The following CDK14 variants were observed in gnomAD, a reference collection of about 807,000 sequenced individuals.
The protein encoded by CDK14 is cyclin dependent kinase 14.
Under a neutral mutation model 60.7 loss-of-function variants are expected in CDK14, and 34 were observed. The ratio of observed to expected loss-of-function variants is 0.56; its 90% CI spans 0.43 to 0.75. The LOEUF (loss-of-function observed/expected upper bound fraction) is 0.75. CDK14 is among the 30% of genes least tolerant of loss of function. CDK14 has a pLI of 0.00. For missense variants in CDK14, 482 were observed against 564.1 expected, an observed-to-expected ratio of 0.85 and a Z score of 1.47; for synonymous variants, 197 against 203.7, an observed-to-expected ratio of 0.97 and a Z score of 0.28.
At position 90,758,061 on chromosome 7, in the gene CDK14, A is replaced by G. The variant is rs191512089; in HGVS notation, c.464+10286A>G. Among the ~76,000 whole-genome samples the G allele has an allele frequency of 2.9e-3, 444 of 152,374 alleles. 2 individuals are homozygous for G. The highest frequency in any genetic ancestry group is 6.2e-3 in the South Asian group (30 of 4,834). On this transcript the variant is annotated intron_variant, in intron 4 of 14. Coordinates refer to ENST00000380050, the MANE Select transcript of CDK14 (RefSeq NM_001287135.2). ...GAGAAGTTAACTGAGATTCCTATAC[A>G]GGTAGTCTGCTTTGTAGTGAGCTTG...
At chr7:91,188,380 A>G (rs1045213802) in intron 14 of CDK14, among the ~76,000 whole-genome samples, 16 of 152,180 alleles carry the variant, frequency 1.1e-4, no homozygotes, top group African/African-American at 3.6e-4. Context: ...TCTGGTGCTT[A>G]TCTCCTCCCA....
At chr7:91,028,265 C>T (rs1796658714) in intron 10 of CDK14, among the ~76,000 whole-genome samples, 1 of 151,882 alleles carries the variant, frequency 6.6e-6, no homozygotes, top group Non-Finnish European at 1.5e-5. Context: ...ACGACAGACA[C>T]ACACACACAA....
intron 14 of CDK14, among the ~76,000 whole-genome samples, chr7:91,141,165 C>A (rs890724176): frequency 6.6e-6 from 1 of 152,200 alleles, no homozygotes; most frequent in Non-Finnish European, 1.5e-5. Context: ...GCAAAGGAAG[C>A]AAGAAAGTGG....
At chr7:90,893,986 G>A (rs1210886098) in intron 6 of CDK14, among the ~76,000 whole-genome samples, 1 of 152,160 alleles carries the variant, frequency 6.6e-6, no homozygotes, top group Non-Finnish European at 1.5e-5. Flanking sequence ...AAGATTAAAT[G>A]CAACTCCTAG....
intron 10 of CDK14, among the ~76,000 whole-genome samples, chr7:91,023,369 A>C (rs1391786242): frequency 1.3e-5 from 2 of 152,166 alleles, no homozygotes; most frequent in Admixed American, 6.6e-5. Flanking sequence ...CTTCTATGAT[A>C]TGTTATCACT....
chr7:91,099,363 G>A (rs78462130), intron 12 of CDK14, among the ~76,000 whole-genome samples: 4,270 of 152,118 alleles, frequency 0.028, 199 homozygotes, highest in African/African-American at 0.095. Flanking sequence ...GAAGATTTGG[G>A]TTTAAACACC....
At chr7:90,664,981 A>G (rs1563036307) in intron 2 of CDK14, among the ~76,000 whole-genome samples, 1 of 152,120 alleles carries the variant, frequency 6.6e-6, no homozygotes, top group Non-Finnish European at 1.5e-5. Context: ...TGCTAATAGT[A>G]TTTAAAAAGC....
chr7:91,161,713 T>C (rs995921693), intron 14 of CDK14, among the ~76,000 whole-genome samples: 1 of 152,242 alleles, frequency 6.6e-6, no homozygotes, highest in African/African-American at 2.4e-5. Flanking sequence ...TGAATTCACA[T>C]ACACCTAAAA....
At chr7:91,029,131 C>T (rs907391083) in intron 10 of CDK14, among the ~76,000 whole-genome samples, 2 of 152,008 alleles carry the variant, frequency 1.3e-5, no homozygotes, top group East Asian at 3.9e-4. Context: ...CTTGAATTGA[C>T]TTTTGTATAT....
intron 14 of CDK14, among the ~76,000 whole-genome samples, chr7:91,202,741 G>A (rs948872432): frequency 3.3e-5 from 5 of 152,180 alleles, no homozygotes; most frequent in African/African-American, 7.2e-5. Flanking sequence ...TGGGCCATTC[G>A]GAGTCATCTC....
At chr7:91,028,733 G>T (rs1484027801) in intron 10 of CDK14, among the ~76,000 whole-genome samples, 1 of 152,018 alleles carries the variant, frequency 6.6e-6, no homozygotes, top group Non-Finnish European at 1.5e-5. Context: ...CTTCTTTTGA[G>T]AAATGTCTAT....
chr7:91,041,529 A>C (rs1270052107), intron 10 of CDK14, among the ~76,000 whole-genome samples: 3 of 152,238 alleles, frequency 2.0e-5, no homozygotes, highest in Non-Finnish European at 4.4e-5. Flanking sequence ...GATTTTAAAC[A>C]GCAGAATATA....
intron 6 of CDK14, among the ~76,000 whole-genome samples, chr7:90,897,125 ATTG>A (rs1792361862): frequency 6.6e-6 from 1 of 152,052 alleles, no homozygotes; most frequent in Non-Finnish European, 1.5e-5. Flanking sequence ...AATGTATCCT[ATTG>A]TTAGGTGTGC....
intron 10 of CDK14, among the ~76,000 whole-genome samples, chr7:90,987,023 G>A (rs1387106039): frequency 1.5e-5 from 1 of 68,486 alleles, no homozygotes; most frequent in Non-Finnish European, 3.3e-5. Context: ...ATATAACTGA[G>A]ATATATTATA....
At chr7:91,056,858 A>C (rs1480074698) in intron 11 of CDK14, among the ~76,000 whole-genome samples, 2 of 152,178 alleles carry the variant, frequency 1.3e-5, no homozygotes, top group Non-Finnish European at 2.9e-5. Flanking sequence ...GAATAGTGCC[A>C]CAATAAACAT....
At chr7:91,072,399 GC>G (rs953781087) in intron 11 of CDK14, among the ~76,000 whole-genome samples, 3 of 152,088 alleles carry the variant, frequency 2.0e-5, no homozygotes, top group Admixed American at 1.3e-4. Context: ...TGAAGTAAAT[GC>G]CCAGCAAACC....
chr7:90,628,548 T>C (rs369346721), intron 2 of CDK14, among the ~76,000 whole-genome samples: 1 of 152,068 alleles, frequency 6.6e-6, no homozygotes, highest in African/African-American at 2.4e-5. Context: ...GGGCCAGGCA[T>C]AGTGGCTCAT....
intron 14 of CDK14, among the ~76,000 whole-genome samples, chr7:91,172,279 C>G (rs1320585621): frequency 6.6e-6 from 1 of 152,210 alleles, no homozygotes; most frequent in Non-Finnish European, 1.5e-5. Flanking sequence ...AGCTCAGTAT[C>G]TTCCATGACT....
intron 4 of CDK14, among the ~76,000 whole-genome samples, chr7:90,769,490 G>A (rs1459597873): frequency 7.7e-6 from 1 of 129,196 alleles, no homozygotes; most frequent in East Asian, 2.4e-4. Context: ...TTTTTTGACT[G>A]AGCCCTCATT....
Sources: gnomAD v4.1 joint callset for allele counts (sites outside exome capture counted in the v4.1 genomes callset) on GRCh38, gnomAD v4.1.1 for gene constraint, MANE v1.5 for transcripts, NCBI Gene and HGNC (gene_info 2026-07-23, HGNC 2026-07-21) for gene names.